Variants in FARP1 observed in about 807,000 individuals in gnomAD.
The protein encoded by FARP1 is FERM, ARH/RhoGEF and pleckstrin domain protein 1.
In FARP1, 52 loss-of-function variants were observed where a neutral mutation model predicts 128.8. The observed-to-expected ratio is 0.40, with a 90% CI of 0.32 to 0.51. The LOEUF (loss-of-function observed/expected upper bound fraction) is 0.51. Among genes scored for constraint, FARP1 ranks in the 20% least tolerant of loss-of-function variants. The pLI is 0.45. For synonymous variants in FARP1, 580 were observed against 551.8 expected, an observed-to-expected ratio of 1.05 and a Z score of -0.72; for missense variants, 1,333 against 1,367.9, an observed-to-expected ratio of 0.97 and a Z score of 0.40.
At chr13:98,241,709 A>G (rs1882782501) in intron 2 of FARP1, among the ~76,000 whole-genome samples, 2 of 152,172 alleles carry the variant, frequency 1.3e-5, no homozygotes, top group Admixed American at 6.5e-5. Flanking sequence ...TGAGGTCATC[A>G]GGGGTTCGAG....
chr13:98,220,102 C>A (rs1014343298), intron 2 of FARP1, among the ~76,000 whole-genome samples: 2 of 150,884 alleles, frequency 1.3e-5, no homozygotes, highest in Non-Finnish European at 2.9e-5. Context: ...AACTAAAGGT[C>A]TTGAGGGGGC....
intron 2 of FARP1, chr13:98,233,686 C>T (rs1052234694): frequency 2.0e-5 from 3 of 152,178 alleles, no homozygotes; most frequent in Non-Finnish European, 4.4e-5. Flanking sequence ...CAATTCAATT[C>T]AGAAGGTGTG....
chr13:98,230,700 G>A (rs993278406), intron 2 of FARP1, among the ~76,000 whole-genome samples: 1 of 152,100 alleles, frequency 6.6e-6, no homozygotes, highest in African/African-American at 2.4e-5. Flanking sequence ...TGTGCCTTGG[G>A]AAACACTGCT....
intron 1 of FARP1, among the ~76,000 whole-genome samples, chr13:98,144,355 G>C (rs1388836182): frequency 6.6e-6 from 1 of 152,200 alleles, no homozygotes; most frequent in Non-Finnish European, 1.5e-5. Context: ...GGCTCACAAA[G>C]AAGCGAGGCC....
chr13:98,301,808 G>A (rs1053699331), intron 2 of FARP1, among the ~76,000 whole-genome samples: 13 of 152,126 alleles, frequency 8.5e-5, no homozygotes, highest in African/African-American at 3.1e-4. Context: ...ACTCGGTGGT[G>A]TATGGCTCAG....
At chr13:98,428,233 T>A (rs1891860912) in intron 17 of FARP1, among the ~76,000 whole-genome samples, 1 of 152,176 alleles carries the variant, frequency 6.6e-6, no homozygotes, top group South Asian at 2.1e-4. Flanking sequence ...ACGCTGTGAA[T>A]GTCCACTTGC....
rs10555277 is a variant in FARP1 at position 98,346,186 on chromosome 13, A to AT, written c.276+2341dup. Reference sequence around the variant, plus strand: ...TTCCAGCCTGAGCTAATTGCATATAATTTTTTTTTTTTTTTTTTTTTGAGA... The same window carrying AT: ...TTCCAGCCTGAGCTAATTGCATATAATTTTTTTTTTTTTTTTTTTTTTGAGA... On this transcript the variant is annotated intron_variant, in intron 3 of 26. Coordinates refer to ENST00000319562, the MANE Select transcript of FARP1 (RefSeq NM_005766.4). 2.4e-3 allele frequency among the ~76,000 whole-genome samples: 249 copies of AT among 105,656 alleles called. 3 individuals are homozygous for AT. The highest frequency in any genetic ancestry group is 3.4e-3 in the African/African-American group (92 of 27,142). 69.3% of individuals were successfully genotyped at this position (105,656 alleles called of 152,430 possible).
chr13:98,413,200 G>A (rs1891255831), intron 16 of FARP1, among the ~76,000 whole-genome samples: 1 of 152,204 alleles, frequency 6.6e-6, no homozygotes, highest in Non-Finnish European at 1.5e-5. Flanking sequence ...CCTTGAGAGA[G>A]GGAGGTGACA....
At chr13:98,174,641 T>C (rs1877870924) in intron 1 of FARP1, among the ~76,000 whole-genome samples, 1 of 152,204 alleles carries the variant, frequency 6.6e-6, no homozygotes, top group African/African-American at 2.4e-5. Flanking sequence ...CTATGTGAAA[T>C]GCCAGAATAA....
intron 1 of FARP1, 28 bp from the exon 2 acceptor site, chr13:98,213,192 T>G: frequency 6.3e-7 from 1 of 1,577,158 alleles, no homozygotes; most frequent in Non-Finnish European, 8.6e-7. Context: ...TATTCTGATG[T>G]GTTTTTCTTT....
chr13:98,251,841 T>A (rs1883341469), intron 2 of FARP1, among the ~76,000 whole-genome samples: 1 of 152,086 alleles, frequency 6.6e-6, no homozygotes, highest in Non-Finnish European at 1.5e-5. Context: ...GCTAATTGTA[T>A]GTATGTATGT....
rs1893050370 is a variant in FARP1, at chr13:98,449,037, A to T, written c.*720A>T. The T allele has an allele frequency of 6.6e-6, 1 of 152,252 alleles. No homozygotes were observed. Among genetic ancestry groups the T allele is most frequent in the Non-Finnish European group, 1.5e-5 (1 of 68,068 alleles). The allele number at this position is 152,252 out of a possible 1,614,324, so 9.4% of individuals were successfully genotyped here. ...GTTAAGCAAAGCCGAGATCCAGTGC[A>T]ATACCTGGACTGTCACCGTCCTGTG... is the stretch of plus-strand genomic sequence containing the variant. On this transcript the variant is annotated 3_prime_UTR_variant, in exon 27 of 27. Coordinates refer to ENST00000319562, the MANE Select transcript of FARP1 (RefSeq NM_005766.4).
intron 2 of FARP1, among the ~76,000 whole-genome samples, chr13:98,221,226 C>T (rs1484663137): frequency 6.6e-6 from 1 of 152,212 alleles, no homozygotes; most frequent in Non-Finnish European, 1.5e-5. Context: ...GGTTGTCTTC[C>T]TTCCTTTCAC....
chr13:98,213,717 A>G (rs1880879781), intron 2 of FARP1, among the ~76,000 whole-genome samples: 1 of 152,148 alleles, frequency 6.6e-6, no homozygotes, highest in African/African-American at 2.4e-5. Flanking sequence ...TTATGTATAT[A>G]TATGTAACTG....
Position 98,395,424 on chromosome 13 carries a change from C to G in FARP1, c.1362C>G (p.Val454=). 6.2e-7 allele frequency: 1 copy of G among 1,610,968 alleles called. No homozygotes were observed. Among genetic ancestry groups the G allele is most frequent in the Non-Finnish European group, 8.5e-7 (1 of 1,178,536 alleles). The change falls in exon 13 of 27, where the codon GTC becomes GTG. Residue 454 remains valine (V), a synonymous_variant. Coordinates refer to ENST00000319562, the MANE Select transcript of FARP1 (RefSeq NM_005766.4). The part of the protein sequence containing the change: ...ASAPTEEEEE[V]VKDRTQQSKP... ...CGCCCACGGAGGAAGAGGAGGAGGT[C>G]GTTAAGGATAGGACCCAGCAGAGTA...
chr13:98,367,792 C>T (rs772693), intron 4 of FARP1, among the ~76,000 whole-genome samples: 81,326 of 152,068 alleles, frequency 0.53, 22,630 homozygotes, highest in Non-Finnish European at 0.6. Context: ...TGGGTAAAAC[C>T]AGCCAATTAG....
In FARP1 at chr13:98,288,765, C is replaced by T. The variant is rs1335097494; in HGVS notation, c.172-54997C>T. ...ACAAGTGTTTGAACGAATACACACACCCCTGCTGGATATCCAGTGAATGAG... is the reference window on the plus strand; with the variant it reads ...ACAAGTGTTTGAACGAATACACACATCCCTGCTGGATATCCAGTGAATGAG... On this transcript the variant is annotated intron_variant, in intron 2 of 26. Coordinates refer to ENST00000319562, the MANE Select transcript of FARP1 (RefSeq NM_005766.4). 2.0e-5 allele frequency among the ~76,000 whole-genome samples: 3 copies of T among 152,212 alleles called. No individual in the cohort carries two copies. The South Asian group carries it at 6.2e-4, about 32-fold the overall frequency.
chr13:98,284,557 C>T (rs543814665), intron 2 of FARP1, among the ~76,000 whole-genome samples: 27 of 152,306 alleles, frequency 1.8e-4, no homozygotes, highest in Admixed American at 1.4e-3. Flanking sequence ...ATAGCAGTCT[C>T]ATTACGGAAT....
intron 26 of FARP1, 178 bp downstream of exon 26, chr13:98,446,995 T>C (rs918780044): frequency 3.1e-6 from 2 of 641,478 alleles, no homozygotes; most frequent in African/African-American, 1.8e-5. Flanking sequence ...TGGCAGAAAG[T>C]GGGGTCCCAA....
Sources: allele counts gnomAD v4.1 joint callset (sites outside exome capture counted in the v4.1 genomes callset), GRCh38; gene constraint gnomAD v4.1.1; transcripts MANE v1.5; gene names NCBI Gene and HGNC (gene_info 2026-07-23, HGNC 2026-07-21).